The following MED14 variants were observed in gnomAD, a reference collection of about 807,000 sequenced individuals.
The protein encoded by MED14 is mediator of RNA polymerase II transcription subunit 14.
MED14 carries 8 observed loss-of-function variants against 109.0 expected under a neutral mutation model. That is an observed-to-expected ratio of 0.07 (90% CI 0.04 to 0.13). The LOEUF is 0.13. MED14 is among the 10% of genes least tolerant of loss of function. The pLI is 1.00. For missense variants in MED14, 711 were observed against 1,142.4 expected (o/e 0.62, Z 5.44); for synonymous variants, 399 against 408.7 (o/e 0.98, Z 0.29).
rs1378948481 is a variant in MED14, at chrX:40,675,216, A to G, written c.3021+5T>C. On this transcript the variant is annotated splice_donor_5th_base_variant and intron_variant, in intron 22 of 30. Transcript: ENST00000324817. ...ATACCACTTGGAATTCTGGCTAGATATTACCTGTTGCTGGGGTGGTGGCTG... is the reference window on the plus strand; with the variant it reads ...ATACCACTTGGAATTCTGGCTAGATGTTACCTGTTGCTGGGGTGGTGGCTG... 8.6e-7 allele frequency: 1 copy of G among 1,164,738 alleles called. No individual in the cohort carries two copies. The highest frequency in any genetic ancestry group is 2.2e-5 in the South Asian group (1 of 46,419).
Position 40,711,202 on chromosome X carries a change from T to C in MED14, c.989A>G (p.His330Arg). The change falls in exon 8 of 31, where the codon CAT (histidine) becomes CGT (arginine). Residue 330 changes from histidine to arginine, a missense_variant. By Grantham distance (29) the His-to-Arg change is conservative (BLOSUM62 0). Transcript: ENST00000324817. Reference sequence around the variant, plus strand: ...TGAAAGGGAGAGGCACTTTCCAGCATGATACCTTTCCACCTGCACAAGGTC... The same window carrying C: ...TGAAAGGGAGAGGCACTTTCCAGCACGATACCTTTCCACCTGCACAAGGTC... The part of the protein sequence containing the change: ...WGDLVQVERY[H>R]AGKCLSLSVW... 2 of 1,211,571 alleles carry C rather than the reference T, an allele frequency of 1.7e-6. No individual in the cohort carries two copies. The highest frequency in any genetic ancestry group is 2.2e-6 in the Non-Finnish European group (2 of 895,155).
At chrX:40,684,540 A>G (rs1484442742) in intron 16 of MED14, among the ~76,000 whole-genome samples, 1 of 112,558 alleles carries the variant, frequency 8.9e-6, no homozygotes, top group African/African-American at 3.2e-5. Flanking sequence ...TAGTTATTAC[A>G]GAAATTGCAT....
Position 40,696,340 on chromosome X carries a change from CTG to C in MED14, c.1650+682_1650+683del, listed in dbSNP as rs1358700110. Among the ~76,000 whole-genome samples the C allele has an allele frequency of 2.7e-5, 3 of 109,124 alleles. No homozygotes were observed. In the East Asian group the frequency reaches 8.6e-4, roughly 31 times the overall value. 94.8% of individuals were successfully genotyped at this position (109,124 alleles called of 115,157 possible). ...TATTTTTAGTAGAAACAGGATTTCA[CTG>C]TGTTAGCCAGGATGGTCTCAATCTC... On this transcript the variant is annotated intron_variant, in intron 13 of 30. Coordinates refer to ENST00000324817, the MANE Select transcript of MED14 (RefSeq NM_004229.4).
At chrX:40,671,169 G>C (rs1929715572) in intron 23 of MED14, among the ~76,000 whole-genome samples, 1 of 111,697 alleles carries the variant, frequency 9.0e-6, no homozygotes. Context: ...TGATGACCTA[G>C]CTTCCTCGCT....
chrX:40,681,843 C>T lies in MED14; in HGVS notation c.2457+9G>A. 1 of 1,006,308 alleles carries T rather than the reference C, an allele frequency of 9.9e-7. No homozygotes were observed. Among genetic ancestry groups the T allele is most frequent in the Middle Eastern group, 2.7e-4 (1 of 3,771 alleles). 82.9% of individuals were successfully genotyped at this position (1,006,308 alleles called of 1,213,427 possible). ...AAGACAGGAACTTCAGCATTTTAAT[C>T]AGACTTACTGAGCTTCCCTTGGTGG... On this transcript the variant is annotated intron_variant, in intron 19 of 30. Transcript: ENST00000324817.
rs189246112 is a variant in MED14, at chrX:40,712,234, T to C, written c.841A>G (p.Arg281Gly). ...AGAGGTTTCTCATCAGCAAAGAGCC[T>C]AGACTGCACCAGTTGATGGATGAAG... ...ISFIHQLVQSRLFADEKPLQD... is the reference protein window; with the variant it reads ...ISFIHQLVQSGLFADEKPLQD... The change falls in exon 7 of 31, where the codon AGG becomes GGG. Residue 281 changes from arginine to glycine, a missense_variant. This residue lies in a region of MED14 where 388 missense variants were observed against 517.3 expected (regional missense o/e 0.75). Coordinates refer to ENST00000324817, the MANE Select transcript of MED14 (RefSeq NM_004229.4). 8.3e-7 allele frequency: 1 copy of C among 1,209,743 alleles called. No individual in the cohort carries two copies. Among genetic ancestry groups the C allele is most frequent in the Non-Finnish European group, 1.1e-6 (1 of 894,374 alleles).
chrX:40,680,907 T>C lies in MED14; in HGVS notation c.2461A>G (p.Ser821Gly). Residue 821 changes from serine to glycine, a missense_variant, in exon 20 of 31, where the codon AGT (serine) becomes GGT (glycine). Physicochemically the swap from Ser to Gly is moderately conservative, Grantham distance 56. Around this residue, in one of 8 missense-constraint regions of MED14, gnomAD observed 388 missense variants for 517.3 expected, o/e 0.75. Transcript: ENST00000324817. ...TGATGGATCGAATTCCATTGGATAC[T>C]AATCTAAATAAAAAAGATTACATGT... ...CYGTTKGSSI[S>G]IQWNSIHQKF... 1 of 1,117,547 alleles carries C rather than the reference T, an allele frequency of 8.9e-7. No homozygotes were observed. Among genetic ancestry groups the C allele is most frequent in the Non-Finnish European group, 1.2e-6 (1 of 825,775 alleles). The allele number at this position is 1,117,547 out of a possible 1,213,427, so 92.1% of individuals were successfully genotyped here.
rs963968391 is a variant in MED14, at chrX:40,649,215, C to T, written c.*2591G>A. The T allele has an allele frequency of 8.8e-6, 1 of 113,642 alleles. No homozygotes were observed. The highest frequency in any genetic ancestry group is 3.3e-5 in the African/African-American group (1 of 30,760). 9.4% of individuals were successfully genotyped at this position (113,642 alleles called of 1,213,427 possible). ...TGGCTGTTAGTATCCTTTGGCTGAA[C>T]AGATTACTGTGTTAATTAGAACACA... On this transcript the variant is annotated 3_prime_UTR_variant, in exon 31 of 31. Transcript: ENST00000324817.
chrX:40,657,220 T>C (rs1390609675), intron 28 of MED14, among the ~76,000 whole-genome samples: 1 of 111,832 alleles, frequency 8.9e-6, no homozygotes, highest in African/African-American at 3.3e-5. Context: ...TATTATGCAT[T>C]GAATTGCGCA....
At chrX:40,719,449 T>C (rs1036652241) in intron 3 of MED14, among the ~76,000 whole-genome samples, 6 of 111,343 alleles carry the variant, frequency 5.4e-5, no homozygotes, top group African/African-American at 2.0e-4. Context: ...AGTATATCCA[T>C]GCAATTCAGC....
chrX:40,697,068 T>C lies in MED14; in HGVS notation c.1606A>G (p.Asn536Asp). The C allele has an allele frequency of 8.3e-7, 1 of 1,201,905 alleles. No individual in the cohort carries two copies. The highest frequency in any genetic ancestry group is 1.1e-6 in the Non-Finnish European group (1 of 886,988). ...CGGGTAAGTTTAATGAACAGTTTAT[T>C]CTTAGAAAGGTTTCCAATAGGATGA... ...STHPIGNLSKNKLFIKLTRLP... is the reference protein window; with the variant it reads ...STHPIGNLSKDKLFIKLTRLP... The change falls in exon 13 of 31, where the codon AAT (asparagine) becomes GAT (aspartate). Residue 536 changes from asparagine (N) to aspartate (D), a missense_variant. Physicochemically the swap from Asn to Asp is conservative, Grantham distance 23. Around this residue, in one of 8 missense-constraint regions of MED14, gnomAD observed 388 missense variants for 517.3 expected, o/e 0.75. Coordinates refer to ENST00000324817, the MANE Select transcript of MED14 (RefSeq NM_004229.4).
At chrX:40,720,923 A>G (rs1196825245) in intron 3 of MED14, among the ~76,000 whole-genome samples, 1 of 110,119 alleles carries the variant, frequency 9.1e-6, no homozygotes, top group Non-Finnish European at 1.9e-5. Context: ...CTTGAAGGAA[A>G]GGACCCAGCC....
At chrX:40,660,201 G>A (rs1361929817) in intron 26 of MED14, among the ~76,000 whole-genome samples, 1 of 111,836 alleles carries the variant, frequency 8.9e-6, no homozygotes, top group Non-Finnish European at 1.9e-5. Flanking sequence ...AATTATGTCT[G>A]AGATTTGCTG....
chrX:40,650,292 A>C lies in MED14; in HGVS notation c.*1514T>G. 1 of 754,267 alleles carries C rather than the reference A, an allele frequency of 1.3e-6. No homozygotes were observed. Among genetic ancestry groups the C allele is most frequent in the Non-Finnish European group, 1.6e-6 (1 of 638,980 alleles). 62.2% of individuals were successfully genotyped at this position (754,267 alleles called of 1,213,427 possible). ...ATAAGACAAAGAAGAAAGGCAAAGA[A>C]GGCTTCAACTCTGATTGAAAATGAG... On this transcript the variant is annotated 3_prime_UTR_variant, in exon 31 of 31. Coordinates refer to ENST00000324817, the MANE Select transcript of MED14 (RefSeq NM_004229.4).
chrX:40,690,909 T>G (rs1013095841), intron 15 of MED14, among the ~76,000 whole-genome samples: 1 of 112,391 alleles, frequency 8.9e-6, no homozygotes, highest in Non-Finnish European at 1.9e-5. Flanking sequence ...TTCTAAAGCA[T>G]GAAAGCTATT....
intron 3 of MED14, among the ~76,000 whole-genome samples, chrX:40,716,445 A>C (rs1284457964): frequency 9.1e-6 from 1 of 110,161 alleles, no homozygotes; most frequent in Admixed American, 9.7e-5. Flanking sequence ...ATTAAAAAAC[A>C]AAAAAATTAG....
chrX:40,725,118 A>T (rs905913689), intron 3 of MED14, among the ~76,000 whole-genome samples: 5 of 111,959 alleles, frequency 4.5e-5, no homozygotes, highest in Non-Finnish European at 7.5e-5. Context: ...CCATGAAGAA[A>T]TTCAAAACCC....
chrX:40,670,195 A>T (rs1929668912), intron 23 of MED14, among the ~76,000 whole-genome samples: 1 of 112,203 alleles, frequency 8.9e-6, no homozygotes, highest in African/African-American at 3.2e-5. Flanking sequence ...GAGCAGCCCA[A>T]TCTGGGCAAC....
intron 3 of MED14, among the ~76,000 whole-genome samples, chrX:40,722,451 A>T (rs1317752554): frequency 1.8e-5 from 2 of 111,816 alleles, no homozygotes; most frequent in Non-Finnish European, 3.8e-5. Flanking sequence ...AAAAAGAATG[A>T]AGCACACCTA....
Sources: allele counts gnomAD v4.1 joint callset (sites outside exome capture counted in the v4.1 genomes callset), GRCh38; gene constraint gnomAD v4.1.1; regional missense constraint gnomAD v4.1.1; transcripts MANE v1.5; gene names NCBI Gene and HGNC (gene_info 2026-07-23, HGNC 2026-07-21).